Variants in NFIA observed in about 807,000 individuals in gnomAD.
NFIA encodes nuclear factor 1 A-type.
In NFIA, 8 loss-of-function variants were observed where a neutral mutation model predicts 62.8. The observed-to-expected ratio is 0.13, with a 90% CI of 0.07 to 0.23. NFIA has a LOEUF of 0.23. NFIA is among the 10% of genes least tolerant of loss of function. The pLI is 1.00. For missense variants in NFIA, 410 were observed against 642.1 expected (o/e 0.64, Z 3.91); for synonymous variants, 235 against 238.1 (o/e 0.99, Z 0.12).
At chr1:61,371,956 AGAT>A (rs1372893015) in intron 6 of NFIA, among the ~76,000 whole-genome samples, 1 of 152,142 alleles carries the variant, frequency 6.6e-6, no homozygotes, top group Non-Finnish European at 1.5e-5. Flanking sequence ...AAGCCGCAAA[AGAT>A]GATATATAGC....
intron 4 of NFIA, among the ~76,000 whole-genome samples, chr1:61,348,412 C>A (rs947309591): frequency 2.0e-5 from 3 of 152,184 alleles, no homozygotes; most frequent in African/African-American, 7.2e-5. Flanking sequence ...CACACATAAC[C>A]AGTTTGCCAA....
intron 1 of NFIA, among the ~76,000 whole-genome samples, chr1:61,086,440 GT>G (rs771962720): frequency 1.3e-5 from 2 of 152,038 alleles, no homozygotes; most frequent in Non-Finnish European, 1.5e-5. Context: ...AATGTTAATG[GT>G]TTATGGCAAG....
chr1:61,221,488 A>T lies in NFIA; in HGVS notation c.560-56032A>T, dbSNP rs545515944. Among the ~76,000 whole-genome samples the T allele has an allele frequency of 3.3e-5, 5 of 152,280 alleles. No individual in the cohort carries two copies. In the South Asian group the frequency reaches 1.0e-3, roughly 32 times the overall value. ...AAACTTATTTAAAAATTTTTATTTTAAGAATAAATAGACCTTCCATAGACA... is the reference window on the plus strand; with the variant it reads ...AAACTTATTTAAAAATTTTTATTTTTAGAATAAATAGACCTTCCATAGACA... On this transcript the variant is annotated intron_variant, in intron 2 of 10. Coordinates refer to ENST00000403491, the MANE Select transcript of NFIA (RefSeq NM_001134673.4).
At chr1:61,138,637 G>T (rs898558152) in intron 2 of NFIA, among the ~76,000 whole-genome samples, 1 of 151,688 alleles carries the variant, frequency 6.6e-6, no homozygotes, top group Non-Finnish European at 1.5e-5. Flanking sequence ...CTGGAGTGCG[G>T]TGGTACAATC....
Position 61,455,494 on chromosome 1 carries a change from A to C in NFIA, c.*174A>C. 9.7e-7 allele frequency: 1 copy of C among 1,028,332 alleles called. No individual in the cohort carries two copies. The highest frequency in any genetic ancestry group is 1.5e-6 in the Non-Finnish European group (1 of 687,116). The allele number at this position is 1,028,332 out of a possible 1,614,324, so 63.7% of individuals were successfully genotyped here. A position where few individuals can be genotyped will look rare whatever the true frequency, so the allele number is the denominator to read the frequency against. On this transcript the variant is annotated 3_prime_UTR_variant, in exon 11 of 11. Transcript: ENST00000403491. ...CAGCAAGCATTATGGTCAAACAGCA[A>C]AGGCCATAACCTTTTGGGATTTTTT...
At chr1:61,206,208 T>C (rs1333952725) in intron 2 of NFIA, among the ~76,000 whole-genome samples, 1 of 152,236 alleles carries the variant, frequency 6.6e-6, no homozygotes, top group Non-Finnish European at 1.5e-5. Flanking sequence ...TATATAAGAC[T>C]TTATAAGACA....
At chr1:61,160,852 A>C (rs1449415540) in intron 2 of NFIA, among the ~76,000 whole-genome samples, 1 of 152,236 alleles carries the variant, frequency 6.6e-6, no homozygotes, top group Non-Finnish European at 1.5e-5. Context: ...AACTTTCTAA[A>C]GTTGATCACA....
At chr1:61,238,888 T>C (rs531622090) in intron 2 of NFIA, among the ~76,000 whole-genome samples, 4 of 152,280 alleles carry the variant, frequency 2.6e-5, no homozygotes, top group African/African-American at 9.6e-5. Context: ...ATTCCCACGA[T>C]AGCCTTTGTA....
intron 2 of NFIA, among the ~76,000 whole-genome samples, chr1:61,224,150 TTAAA>T (rs1258867494): frequency 2.0e-5 from 3 of 152,040 alleles, no homozygotes; most frequent in African/African-American, 7.2e-5. Flanking sequence ...AGTTTAATAT[TTAAA>T]AATTAGTTTT....
At chr1:61,438,777 G>A (rs1428060577) in intron 10 of NFIA, among the ~76,000 whole-genome samples, 1 of 152,020 alleles carries the variant, frequency 6.6e-6, no homozygotes, top group East Asian at 1.9e-4. Flanking sequence ...GCAAAAACAA[G>A]TTGTGAACCT....
chr1:61,177,352 AATCTCCT>A (rs1009546135), intron 2 of NFIA, among the ~76,000 whole-genome samples: 1 of 152,296 alleles, frequency 6.6e-6, no homozygotes, highest in African/African-American at 2.4e-5. Context: ...AAGTTATTTC[AATCTCCT>A]ATGCCTTCTG....
intron 2 of NFIA, among the ~76,000 whole-genome samples, chr1:61,213,773 A>G (rs985711200): frequency 2.6e-5 from 4 of 152,190 alleles, no homozygotes; most frequent in Admixed American, 6.5e-5. Context: ...AATAATGGTC[A>G]GAGTGCATGT....
chr1:61,346,096 A>G (rs1662215284), intron 4 of NFIA, among the ~76,000 whole-genome samples: 1 of 152,304 alleles, frequency 6.6e-6, no homozygotes, highest in South Asian at 2.1e-4. Flanking sequence ...GCCCCATGAC[A>G]TCTCTTTATA....
chr1:61,291,807 A>C (rs1208675724), intron 3 of NFIA, among the ~76,000 whole-genome samples: 1 of 152,214 alleles, frequency 6.6e-6, no homozygotes, highest in Non-Finnish European at 1.5e-5. Flanking sequence ...GTCAGGGAAT[A>C]ACAATGGCAT....
intron 9 of NFIA, among the ~76,000 whole-genome samples, chr1:61,412,334 C>T (rs1323200780): frequency 6.6e-6 from 1 of 152,048 alleles, no homozygotes; most frequent in African/African-American, 2.4e-5. Flanking sequence ...CTAAAACAAG[C>T]AGGGTTGATA....
intron 7 of NFIA, among the ~76,000 whole-genome samples, chr1:61,402,438 T>C (rs570120178): frequency 6.6e-6 from 1 of 152,314 alleles, no homozygotes; most frequent in African/African-American, 2.4e-5. Context: ...GGTATGATTA[T>C]CTTATTAACC....
At chr1:61,217,208 C>T (rs1653686134) in intron 2 of NFIA, among the ~76,000 whole-genome samples, 1 of 150,926 alleles carries the variant, frequency 6.6e-6, no homozygotes, top group South Asian at 2.1e-4. Context: ...CGGCACATGC[C>T]ACCACACCTT....
At chr1:61,345,073 A>C (rs549804208) in intron 4 of NFIA, among the ~76,000 whole-genome samples, 1 of 151,740 alleles carries the variant, frequency 6.6e-6, no homozygotes, top group South Asian at 2.1e-4. Flanking sequence ...CAAAGACTAC[A>C]TTCTACTTAT....
At chr1:61,377,632 G>A (rs1228359482) in intron 6 of NFIA, among the ~76,000 whole-genome samples, 3 of 152,072 alleles carry the variant, frequency 2.0e-5, no homozygotes, top group South Asian at 2.1e-4. Context: ...GTTTCTCTCC[G>A]TTTGTGACTA....
Sources: allele counts gnomAD v4.1 joint callset (sites outside exome capture counted in the v4.1 genomes callset), GRCh38; gene constraint gnomAD v4.1.1; transcripts MANE v1.5; gene names NCBI Gene and HGNC (gene_info 2026-07-23, HGNC 2026-07-21).